Variants in SCN2A observed in about 807,000 individuals in gnomAD.
SCN2A encodes sodium voltage-gated channel alpha subunit 2.
Under a neutral mutation model 188.7 loss-of-function variants are expected in SCN2A, and 20 were observed. That is an observed-to-expected ratio of 0.11 (90% CI 0.07 to 0.15). SCN2A has a LOEUF of 0.15. Among genes scored for constraint, SCN2A ranks in the 10% least tolerant of loss-of-function variants. The pLI, the probability that SCN2A is intolerant of heterozygous loss-of-function variation, is 1.00. For missense variants in SCN2A, 1,278 were observed against 2,445.0 expected, an observed-to-expected ratio of 0.52 and a Z score of 10.07; for synonymous variants, 804 against 833.1, an observed-to-expected ratio of 0.97 and a Z score of 0.60.
At chr2:165,355,989 ACT>A (rs1253007025) in intron 17 of SCN2A, among the ~76,000 whole-genome samples, 1 of 144,784 alleles carries the variant, frequency 6.9e-6, no homozygotes. Context: ...ACAGGATGAA[ACT>A]CTGTCTCAAA....
At chr2:165,373,158 A>G in intron 20 of SCN2A, 67 bp from the exon 21 acceptor site, 1 of 1,547,290 alleles carries the variant, frequency 6.5e-7, no homozygotes. Flanking sequence ...CATTGCATAG[A>G]GCAAGGCTGA....
chr2:165,265,469 A>ATCTCTCTCTCTCTCTCTC (rs754966737), intron 1 of SCN2A, among the ~76,000 whole-genome samples: 29 of 65,256 alleles, frequency 4.4e-4, no homozygotes, highest in Admixed American at 6.5e-4. Flanking sequence ...TACTCTGTTG[A>ATCTCTCTCTCTCTCTCTC]TCTATATATA....
chr2:165,377,899 T>C (rs1248336600), intron 23 of SCN2A, among the ~76,000 whole-genome samples: 11 of 151,926 alleles, frequency 7.2e-5, no homozygotes, highest in African/African-American at 2.2e-4. Context: ...CAAAACTTTA[T>C]TGTATGTATT....
chr2:165,316,175 T>G (rs896251533), intron 11 of SCN2A, among the ~76,000 whole-genome samples: 1 of 152,110 alleles, frequency 6.6e-6, no homozygotes, highest in African/African-American at 2.4e-5. Flanking sequence ...TCCCATAAGG[T>G]GCAAACATCA....
chr2:165,261,559 A>T (rs981911130), intron 1 of SCN2A, among the ~76,000 whole-genome samples: 1 of 152,220 alleles, frequency 6.6e-6, no homozygotes, highest in African/African-American at 2.4e-5. Flanking sequence ...GTCCTTTTTA[A>T]ATCACTTTCA....
intron 19 of SCN2A, 54 bp from the exon 20 acceptor site, chr2:165,370,072 T>A: frequency 6.7e-7 from 1 of 1,496,994 alleles, no homozygotes; most frequent in Non-Finnish European, 9.3e-7. Context: ...TAAGAAATCA[T>A]CAATTAGAGA....
chr2:165,373,529 C>T (rs954443622), intron 21 of SCN2A, among the ~76,000 whole-genome samples, 182 bp downstream of exon 21: 1 of 152,088 alleles, frequency 6.6e-6, no homozygotes, highest in Non-Finnish European at 1.5e-5. Flanking sequence ...GAGTCACTCA[C>T]AGAGTAGTAT....
chr2:165,360,939 C>T (rs1346212412), intron 17 of SCN2A, among the ~76,000 whole-genome samples: 1 of 151,926 alleles, frequency 6.6e-6, no homozygotes, highest in African/African-American at 2.4e-5. Context: ...AACAGTTTCA[C>T]ATAGTGATCA....
intron 22 of SCN2A, among the ~76,000 whole-genome samples, chr2:165,375,843 A>G (rs1036947790): frequency 6.6e-6 from 1 of 151,924 alleles, no homozygotes; most frequent in South Asian, 2.1e-4. Flanking sequence ...ACACACCCCT[A>G]TAGACATACA....
intron 14 of SCN2A, among the ~76,000 whole-genome samples, chr2:165,339,548 T>C (rs1559373207): frequency 6.6e-6 from 1 of 152,138 alleles, no homozygotes; most frequent in South Asian, 2.1e-4. Flanking sequence ...TATTAAATAT[T>C]TTATTTACCA....
In SCN2A at chr2:165,367,247, T is replaced by C. The variant is rs141529326; in HGVS notation, c.3551T>C (p.Ile1184Thr). 7 of 1,614,064 alleles carry C rather than the reference T, an allele frequency of 4.3e-6. No homozygotes were observed. Among genetic ancestry groups the C allele is most frequent in the Non-Finnish European group, 5.9e-6 (7 of 1,180,028 alleles). ...GTACGGAAGTTCAAGTGTTGTCAGA[T>C]AAGCATAGAAGAAGGCAAAGGGAAA... Reference protein sequence around the residue: ...DCVRKFKCCQISIEEGKGKLW... With the variant: ...DCVRKFKCCQTSIEEGKGKLW... Residue 1184 changes from isoleucine (I) to threonine (T), a missense_variant, in exon 19 of 27, where the codon ATA (isoleucine) becomes ACA (threonine). Around this residue, in one of 17 missense-constraint regions of SCN2A, gnomAD observed 228 missense variants for 297.3 expected, o/e 0.77. Coordinates refer to ENST00000375437, the MANE Select transcript of SCN2A (RefSeq NM_001040142.2).
chr2:165,351,769 T>C (rs556139702), intron 16 of SCN2A, among the ~76,000 whole-genome samples: 1 of 152,314 alleles, frequency 6.6e-6, no homozygotes, highest in South Asian at 2.1e-4. Context: ...CTGGTTTTAC[T>C]TTTATTGTTA....
At chr2:165,310,709 G>T in intron 7 of SCN2A, 114 bp downstream of exon 7, 2 of 726,830 alleles carry the variant, frequency 2.8e-6, no homozygotes, top group Non-Finnish European at 4.2e-6. Context: ...ACTAATTTAA[G>T]ATGATTTAAT....
At chr2:165,341,477 T>G (rs4667807) in intron 14 of SCN2A, among the ~76,000 whole-genome samples, 111,450 of 152,116 alleles carry the variant, frequency 0.73, 41,120 homozygotes, top group African/African-American at 0.79. Context: ...GTAGTAGAAA[T>G]GTTGGTTAAT....
At chr2:165,361,239 T>C (rs1700446281) in intron 17 of SCN2A, among the ~76,000 whole-genome samples, 1 of 152,002 alleles carries the variant, frequency 6.6e-6, no homozygotes, top group African/African-American at 2.4e-5. Flanking sequence ...CATGTAATAT[T>C]CCAATGTGTA....
At chr2:165,338,762 C>A (rs1285643307) in intron 14 of SCN2A, among the ~76,000 whole-genome samples, 1 of 151,990 alleles carries the variant, frequency 6.6e-6, no homozygotes, top group Non-Finnish European at 1.5e-5. Context: ...GAAAAGTGAT[C>A]AATTAATTGG....
chr2:165,264,757 T>C (rs756078636), intron 1 of SCN2A, among the ~76,000 whole-genome samples: 44 of 152,160 alleles, frequency 2.9e-4, no homozygotes, highest in Non-Finnish European at 6.2e-4. Context: ...CTGAGGATAA[T>C]GGCCTCGTGC....
At position 165,281,703 on chromosome 2, in the gene SCN2A, T is replaced by C. The variant is rs921847806; in HGVS notation, c.-51-14070T>C. On this transcript the variant is annotated intron_variant, in intron 1 of 26. Coordinates refer to ENST00000375437, the MANE Select transcript of SCN2A (RefSeq NM_001040142.2). ...TTTCAAAGGAATCTGGCTACCACAT[T>C]GAGAATAAACTGAAGGAGGCCAAAA... Among the ~76,000 whole-genome samples the C allele has an allele frequency of 3.9e-5, 6 of 152,040 alleles. No homozygotes were observed. In the East Asian group the frequency reaches 9.7e-4, roughly 25 times the overall value.
chr2:165,369,305 C>T (rs903834576), intron 19 of SCN2A, among the ~76,000 whole-genome samples: 2 of 152,220 alleles, frequency 1.3e-5, no homozygotes, highest in Admixed American at 1.3e-4. Context: ...TGTAGGAGCT[C>T]TTTGTTCTCA....
Sources: allele counts gnomAD v4.1 joint callset (sites outside exome capture counted in the v4.1 genomes callset), GRCh38; gene constraint gnomAD v4.1.1; regional missense constraint gnomAD v4.1.1; transcripts MANE v1.5; gene names NCBI Gene and HGNC (gene_info 2026-07-23, HGNC 2026-07-21).